MTMR9: variants seen among roughly 807,000 people sequenced by gnomAD.
MTMR9 encodes myotubularin-related protein 9.
In MTMR9, 39 loss-of-function variants were observed where a neutral mutation model predicts 69.5. That is an observed-to-expected ratio of 0.56 (90% CI 0.43 to 0.73). The LOEUF (loss-of-function observed/expected upper bound fraction) is 0.73. Ranked by LOEUF, MTMR9 falls within the 30% of genes least tolerant of loss-of-function variation. The pLI, the probability that MTMR9 is intolerant of heterozygous loss-of-function variation, is 0.00. For missense variants in MTMR9, 900 were observed against 671.2 expected, an observed-to-expected ratio of 1.34 and a Z score of -3.77; for synonymous variants, 354 against 240.8, an observed-to-expected ratio of 1.47 and a Z score of -4.35.
chr8:11,321,667 C>T (rs1800698567), intron 9 of MTMR9: 1 of 312,682 alleles, frequency 3.2e-6, no homozygotes, highest in South Asian at 2.7e-5. Context: ...AATAAGACTG[C>T]TCTTCGGCCT....
intron 1 of MTMR9, among the ~76,000 whole-genome samples, chr8:11,287,734 T>G (rs1193592207): frequency 2.2e-5 from 3 of 136,904 alleles, no homozygotes; most frequent in Non-Finnish European, 4.6e-5. Flanking sequence ...TTATATATTA[T>G]ATATTATTTT....
At chr8:11,297,760 T>C (rs1257185257) in intron 2 of MTMR9, 1 of 399,822 alleles carries the variant, frequency 2.5e-6, no homozygotes, top group African/African-American at 2.1e-5. Context: ...AACTGACTCA[T>C]TATATAAAAG....
intron 7 of MTMR9, chr8:11,315,926 C>T (rs1290999701): frequency 6.6e-6 from 1 of 152,146 alleles, no homozygotes; most frequent in African/African-American, 2.4e-5. Flanking sequence ...ATGTCATTAC[C>T]TTTGTCACAT....
chr8:11,338,847 T>A, the MTMR9 span, among the ~76,000 whole-genome samples: 5 of 152,248 alleles, frequency 3.3e-5, no homozygotes, highest in Non-Finnish European at 5.9e-5. Context: ...AGTAGCAATT[T>A]CCTTCAATCC....
downstream of MTMR9, chr8:11,331,442 C>A: frequency 1.2e-6 from 2 of 1,614,034 alleles, no homozygotes; most frequent in South Asian, 1.1e-5. Flanking sequence ...TGCTCAACGT[C>A]CTCAGCATTG....
In MTMR9 at chr8:11,284,833, G is replaced by A; in HGVS notation, c.-56G>A. ...GTGTTTCCGCTACTTCCCTGCGGCG[G>A]GGTAACCGCCTCGCACCTACCGGGC... On this transcript the variant is annotated 5_prime_UTR_variant, in exon 1 of 10. Coordinates refer to ENST00000221086, the MANE Select transcript of MTMR9 (RefSeq NM_015458.4). The A allele has an allele frequency of 6.1e-6, 9 of 1,477,082 alleles. No homozygotes were observed. Among genetic ancestry groups the A allele is most frequent in the Non-Finnish European group, 7.3e-6 (8 of 1,096,786 alleles). The allele number at this position is 1,477,082 out of a possible 1,614,324, so 91.5% of individuals were successfully genotyped here. A position where few individuals can be genotyped will look rare whatever the true frequency, so the allele number is the denominator to read the frequency against.
At chr8:11,330,771 A>G (rs1801183364), downstream of MTMR9, 2 of 422,998 alleles carry the variant, frequency 4.7e-6, no homozygotes, top group Non-Finnish European at 8.4e-6. Flanking sequence ...CCAGGGACAC[A>G]AACACTGCGG....
At chr8:11,312,816 C>T (rs1250537444) in intron 6 of MTMR9, among the ~76,000 whole-genome samples, 1 of 152,186 alleles carries the variant, frequency 6.6e-6, no homozygotes, top group East Asian at 1.9e-4. Context: ...CTCTTTGATC[C>T]ATGGCCTGCA....
In MTMR9 at chr8:11,285,228, C is replaced by G; in HGVS notation, c.182+158C>G. On this transcript the variant is annotated intron_variant, in intron 1 of 9. Transcript: ENST00000221086. ...AATCAGGATTTACCAAGCTGAAACC[C>G]GTCCAGATGGAGGACCCGGTTTCCA... 4.4e-6 allele frequency: 3 copies of G among 677,190 alleles called. 1 individual carries two copies. The South Asian group carries it at 6.4e-5, about 14-fold the overall frequency. The allele number at this position is 677,190 out of a possible 1,614,324, so 41.9% of individuals were successfully genotyped here.
intron 1 of MTMR9, chr8:11,285,361 A>G (rs888249607): frequency 3.5e-5 from 11 of 312,278 alleles, no homozygotes; most frequent in Non-Finnish European, 5.3e-5. Flanking sequence ...GTCTTTATAA[A>G]TTTCTTCTTC....
chr8:11,297,664 G>T (rs192495938), intron 2 of MTMR9, among the ~76,000 whole-genome samples: 414 of 152,186 alleles, frequency 2.7e-3, no homozygotes, highest in Admixed American at 4.6e-3. Flanking sequence ...GAGGCACAGT[G>T]GTGAAGGAAA....
intron 5 of MTMR9, among the ~76,000 whole-genome samples, chr8:11,309,014 A>T (rs1253841207): frequency 6.6e-6 from 1 of 152,134 alleles, no homozygotes; most frequent in Non-Finnish European, 1.5e-5. Flanking sequence ...TTCTCCCCAT[A>T]TCGACCTATT....
intron 5 of MTMR9, among the ~76,000 whole-genome samples, chr8:11,306,943 A>G (rs1303417588): frequency 6.6e-6 from 1 of 152,198 alleles, no homozygotes. Flanking sequence ...ACTTGTTTAG[A>G]TTCCACATAT....
At chr8:11,303,916 T>C (rs1361637561) in intron 3 of MTMR9, among the ~76,000 whole-genome samples, 1 of 152,250 alleles carries the variant, frequency 6.6e-6, no homozygotes, top group African/African-American at 2.4e-5. Flanking sequence ...CTGTATCTTA[T>C]AAAAGCATTT....
intron 1 of MTMR9, among the ~76,000 whole-genome samples, chr8:11,285,582 T>G (rs997987287): frequency 6.6e-6 from 1 of 152,220 alleles, no homozygotes; most frequent in East Asian, 1.9e-4. Flanking sequence ...CATCAAAATT[T>G]AATTCTCACT....
chr8:11,310,805 TCAC>T (rs1800167575), intron 6 of MTMR9, among the ~76,000 whole-genome samples: 1 of 133,522 alleles, frequency 7.5e-6, no homozygotes, highest in Non-Finnish European at 1.7e-5. Flanking sequence ...AAACAGTTAA[TCAC>T]CACATTTCTC....
chr8:11,299,382 C>G (rs1346835485), intron 2 of MTMR9, among the ~76,000 whole-genome samples: 1 of 152,120 alleles, frequency 6.6e-6, no homozygotes, highest in South Asian at 2.1e-4. Context: ...TGTTCTAAGC[C>G]TTTTACACAC....
At chr8:11,331,673 C>T, downstream of MTMR9, 1 of 1,612,090 alleles carries the variant, frequency 6.2e-7, no homozygotes, top group South Asian at 1.1e-5. Flanking sequence ...GTGTCTACAC[C>T]ACCCTGGGCT....
intron 5 of MTMR9, 46 bp downstream of exon 5, chr8:11,306,453 A>G (rs758619722): frequency 1.0e-5 from 16 of 1,551,994 alleles, no homozygotes; most frequent in Non-Finnish European, 1.3e-5. Flanking sequence ...GAAGCTAATT[A>G]TAGTGGGTAA....
Sources: allele counts gnomAD v4.1 joint callset (sites outside exome capture counted in the v4.1 genomes callset), GRCh38; gene constraint gnomAD v4.1.1; transcripts MANE v1.5; gene names NCBI Gene and HGNC (gene_info 2026-07-23, HGNC 2026-07-21).